WDR12: variants seen among roughly 807,000 people sequenced by gnomAD.
WDR12 encodes ribosome biogenesis protein WDR12.
Under a neutral mutation model 64.3 loss-of-function variants are expected in WDR12, and 42 were observed. The ratio of observed to expected loss-of-function variants is 0.65; its 90% confidence interval spans 0.51 to 0.84. WDR12 has a LOEUF of 0.84. WDR12 is among the 40% of genes least tolerant of loss of function. The pLI is 0.00. For synonymous variants in WDR12, 158 were observed against 173.3 expected (o/e 0.91, Z 0.70); for missense variants, 469 against 494.6 (o/e 0.95, Z 0.49).
chr2:202,897,250 T>C, intron 5 of WDR12, 50 bp downstream of exon 5: 3 of 1,377,190 alleles, frequency 2.2e-6, no homozygotes, highest in Non-Finnish European at 1.0e-6. Flanking sequence ...AATGGCTTAT[T>C]TCCAAATCCC....
At position 202,897,519 on chromosome 2, in the gene WDR12, C is replaced by T. The variant is rs563885362; in HGVS notation, c.339-104G>A. 48 of 549,080 alleles carry T rather than the reference C, an allele frequency of 8.7e-5. No individual in the cohort carries two copies. The African/African-American group carries it at 8.8e-4, about 10-fold the overall frequency. 34.0% of individuals were successfully genotyped at this position (549,080 alleles called of 1,614,324 possible). ...TAACTTTGAGGATTATACTTTTAAA[C>T]TCTTTTTTGATATGAAGATTGAGAT... On this transcript the variant is annotated intron_variant, in intron 4 of 12. Transcript: ENST00000261015.
intron 8 of WDR12, among the ~76,000 whole-genome samples, chr2:202,889,780 GT>G (rs1232319171): frequency 6.6e-6 from 1 of 151,910 alleles, no homozygotes; most frequent in Non-Finnish European, 1.5e-5. Context: ...CCAGGGCATG[GT>G]GGCATGCACC....
Position 202,911,576 on chromosome 2 carries a change from T to C in WDR12, c.-100A>G. 2 of 1,111,928 alleles carry C rather than the reference T, an allele frequency of 1.8e-6. No homozygotes were observed. Among genetic ancestry groups the C allele is most frequent in the Admixed American group, 1.7e-5 (1 of 57,748 alleles). 68.9% of individuals were successfully genotyped at this position (1,111,928 alleles called of 1,614,324 possible). A position where few individuals can be genotyped will look rare whatever the true frequency, so the allele number is the denominator to read the frequency against. On this transcript the variant is annotated 5_prime_UTR_variant, in exon 1 of 13. Transcript: ENST00000261015. Reference sequence around the variant, plus strand: ...AAGACTACAAAGAGGCAGCTCAAAATTAGACTGCACAGGTAAGCGAGGAAC... The same window carrying C: ...AAGACTACAAAGAGGCAGCTCAAAACTAGACTGCACAGGTAAGCGAGGAAC...
In WDR12 at chr2:202,883,780, A is replaced by C. The variant is rs1453420915; in HGVS notation, c.989-39T>G. 2.5e-6 allele frequency: 4 copies of C among 1,599,188 alleles called. No homozygotes were observed. The South Asian group carries it at 3.4e-5, about 14-fold the overall frequency. On this transcript the variant is annotated intron_variant, in intron 10 of 12. Transcript: ENST00000261015. ...AAAAGACAAGCGTTGAATTTTAGAAAAGGGAAGTAGGTAGAAGGAACCCAA... is the reference window on the plus strand; with the variant it reads ...AAAAGACAAGCGTTGAATTTTAGAACAGGGAAGTAGGTAGAAGGAACCCAA...
At chr2:202,886,172 G>C (rs1014305648) in intron 8 of WDR12, among the ~76,000 whole-genome samples, 1 of 151,706 alleles carries the variant, frequency 6.6e-6, no homozygotes, top group Non-Finnish European at 1.5e-5. Flanking sequence ...AAAAAAGAGA[G>C]GAGGCCACAC....
rs1419008134 is a variant in WDR12 at position 202,911,460 on chromosome 2, G to A, written c.17C>T (p.Thr6Ile). 8.7e-6 allele frequency: 14 copies of A among 1,614,068 alleles called. No homozygotes were observed. The highest frequency in any genetic ancestry group is 2.7e-5 in the African/African-American group (2 of 74,928). Residue 6 changes from threonine (T) to isoleucine (I), a missense_variant, in exon 1 of 13, where the codon ACA becomes ATA. Physicochemically the swap from Thr to Ile is moderately conservative, Grantham distance 89. Coordinates refer to ENST00000261015, the MANE Select transcript of WDR12 (RefSeq NM_018256.4). Reference sequence around the variant, plus strand: ...CTTCTTGTTATCAGTGTAGAAGCGTGTTTGGAGCTGAGCCATGGCGAGGAG... The same window carrying A: ...CTTCTTGTTATCAGTGTAGAAGCGTATTTGGAGCTGAGCCATGGCGAGGAG... MAQLQ[T>I]RFYTDNKKYA... is the part of the protein sequence containing the mutation.
chr2:202,881,741 G>C (rs1308882055), intron 12 of WDR12, among the ~76,000 whole-genome samples: 1 of 151,936 alleles, frequency 6.6e-6, no homozygotes, highest in East Asian at 1.9e-4. Context: ...AATAAATAAA[G>C]AAGATACACA....
chr2:202,893,365 A>G (rs1231062966), intron 7 of WDR12, among the ~76,000 whole-genome samples: 3 of 152,086 alleles, frequency 2.0e-5, no homozygotes, highest in Admixed American at 2.0e-4. Flanking sequence ...TATTTCTCAA[A>G]CTAGATTATA....
Position 202,878,657 on chromosome 2 carries a change from CT to C in WDR12, c.*2202del. On this transcript the variant is annotated 3_prime_UTR_variant, in exon 13 of 13. Coordinates refer to ENST00000261015, the MANE Select transcript of WDR12 (RefSeq NM_018256.4). ...CTCTGGTTTTCTACAGAGAACTAAA[CT>C]CCTAACTGGTTCAATACACTGTTTA... The C allele has an allele frequency of 6.6e-6, 1 of 152,222 alleles. No individual in the cohort carries two copies. The highest frequency in any genetic ancestry group is 1.5e-5 in the Non-Finnish European group (1 of 68,050). The allele number at this position is 152,222 out of a possible 1,614,324, so 9.4% of individuals were successfully genotyped here.
In WDR12 at chr2:202,877,656, C is replaced by G. The variant is rs1417512286; in HGVS notation, c.*3204G>C. The stretch of plus-strand genomic sequence containing the variant: ...TCCAGTATGGGTGACATAGTGAGAC[C>G]CTGTCTTGACAAAAAAACAAAAAAA... On this transcript the variant is annotated 3_prime_UTR_variant, in exon 13 of 13. Coordinates refer to ENST00000261015, the MANE Select transcript of WDR12 (RefSeq NM_018256.4). 1 of 152,012 alleles carries G rather than the reference C, an allele frequency of 6.6e-6. No homozygotes were observed. The highest frequency in any genetic ancestry group is 1.5e-5 in the Non-Finnish European group (1 of 68,088). 9.4% of individuals were successfully genotyped at this position (152,012 alleles called of 1,614,324 possible). A position where few individuals can be genotyped will look rare whatever the true frequency, so the allele number is the denominator to read the frequency against.
At chr2:202,886,535 G>A (rs758669333) in intron 8 of WDR12, among the ~76,000 whole-genome samples, 2 of 151,910 alleles carry the variant, frequency 1.3e-5, no homozygotes, top group Non-Finnish European at 2.9e-5. Flanking sequence ...TTGGGAGGCC[G>A]AGGTGGGTGA....
rs1574398743 is a variant in WDR12, at chr2:202,875,360, C to T, written c.*5500G>A. On this transcript the variant is annotated 3_prime_UTR_variant, in exon 13 of 13. Coordinates refer to ENST00000261015, the MANE Select transcript of WDR12 (RefSeq NM_018256.4). Reference sequence around the variant, plus strand: ...ACATATTATTGTAATTTAGTACCCACAAATGTCACTTAAATTTATGTATTA... The same window carrying T: ...ACATATTATTGTAATTTAGTACCCATAAATGTCACTTAAATTTATGTATTA... 3 of 150,194 alleles carry T rather than the reference C, an allele frequency of 2.0e-5. No individual in the cohort carries two copies. The South Asian group carries it at 6.3e-4, about 32-fold the overall frequency. 9.3% of individuals were successfully genotyped at this position (150,194 alleles called of 1,614,324 possible).
At position 202,899,524 on chromosome 2, in the gene WDR12, G is replaced by A; in HGVS notation, c.338+7C>T. On this transcript the variant is annotated splice_region_variant and intron_variant, in intron 4 of 12. Transcript: ENST00000261015. Reference sequence around the variant, plus strand: ...AAAAAAAGAGAAGGGCATTAATCTGGCAATACCATTCCTCTGCCCCTTTAA... The same window carrying A: ...AAAAAAAGAGAAGGGCATTAATCTGACAATACCATTCCTCTGCCCCTTTAA... 6 of 1,611,476 alleles carry A rather than the reference G, an allele frequency of 3.7e-6. No individual in the cohort carries two copies. The highest frequency in any genetic ancestry group is 1.7e-5 in the Admixed American group (1 of 59,758).
chr2:202,906,967 T>G (rs943332906), intron 2 of WDR12, among the ~76,000 whole-genome samples: 1 of 152,000 alleles, frequency 6.6e-6, no homozygotes, highest in African/African-American at 2.4e-5. Flanking sequence ...CATTTTTTTT[T>G]TTTTTGAGAC....
intron 7 of WDR12, among the ~76,000 whole-genome samples, chr2:202,893,948 C>G (rs754141787): frequency 1.3e-5 from 2 of 152,064 alleles, no homozygotes; most frequent in Non-Finnish European, 2.9e-5. Context: ...AAAAGTCATT[C>G]TTACATTACT....
chr2:202,899,548 A>G lies in WDR12; in HGVS notation c.321T>C (p.Ile107=). Residue 107 remains isoleucine, a synonymous_variant, in exon 4 of 13, where the codon ATT becomes ATC. Coordinates refer to ENST00000261015, the MANE Select transcript of WDR12 (RefSeq NM_018256.4). Reference sequence around the variant, plus strand: ...GGCAATACCATTCCTCTGCCCCTTTAATTGAACTGATCCAGTCATCATGGA... The same window carrying G: ...GGCAATACCATTCCTCTGCCCCTTTGATTGAACTGATCCAGTCATCATGGA... ...CMFHDDWISS[I]KGAEEWILTG... is the part of the protein sequence containing the mutation. 6.2e-7 allele frequency: 1 copy of G among 1,613,986 alleles called. No homozygotes were observed. Among genetic ancestry groups the G allele is most frequent in the Admixed American group, 1.7e-5 (1 of 60,014 alleles).
At chr2:202,883,474 G>C in intron 11 of WDR12, 135 bp downstream of exon 11, 1 of 1,118,834 alleles carries the variant, frequency 8.9e-7, no homozygotes. Flanking sequence ...TTGCATATCA[G>C]TATTTGTCAC....
rs1335662390 is a variant in WDR12 at position 202,880,641 on chromosome 2, T to G, written c.*219A>C. 1.4e-5 allele frequency: 4 copies of G among 292,570 alleles called. No homozygotes were observed. Among genetic ancestry groups the G allele is most frequent in the Non-Finnish European group, 2.5e-5 (4 of 157,136 alleles). 18.1% of individuals were successfully genotyped at this position (292,570 alleles called of 1,614,324 possible). ...TGTAAAACTCAGTTTAATTTCAAGT[T>G]TGTATAGAGAATGTATGCCACAGTT... is the stretch of plus-strand genomic sequence containing the variant. On this transcript the variant is annotated 3_prime_UTR_variant, in exon 13 of 13. Coordinates refer to ENST00000261015, the MANE Select transcript of WDR12 (RefSeq NM_018256.4).
At position 202,874,486 on chromosome 2, in the gene WDR12, C is replaced by G. The variant is rs537438581; in HGVS notation, c.*6374G>C. Among the ~76,000 whole-genome samples the G allele has an allele frequency of 2.0e-5, 3 of 152,322 alleles. No homozygotes were observed. The East Asian group carries it at 5.8e-4, about 29-fold the overall frequency. On this transcript the variant is annotated 3_prime_UTR_variant, in exon 13 of 13. Coordinates refer to ENST00000261015, the MANE Select transcript of WDR12 (RefSeq NM_018256.4). ...TTTCTTTAAAGACTAATGGTCTTCACTTTTGTTTTTGTGCAAACCTCTGGT... is the reference window on the plus strand; with the variant it reads ...TTTCTTTAAAGACTAATGGTCTTCAGTTTTGTTTTTGTGCAAACCTCTGGT...
Sources: gnomAD v4.1 joint callset for allele counts (sites outside exome capture counted in the v4.1 genomes callset) on GRCh38, gnomAD v4.1.1 for gene constraint, MANE v1.5 for transcripts, NCBI Gene and HGNC (gene_info 2026-07-23, HGNC 2026-07-21) for gene names.